The following TTC39C variants were observed in gnomAD, a reference collection of about 807,000 sequenced individuals.
TTC39C encodes tetratricopeptide repeat domain 39C, also known as tetratricopeptide repeat protein 39C.
A neutral mutation model predicts 76.3 loss-of-function variants in TTC39C; 33 were observed. The ratio of observed to expected loss-of-function variants is 0.43; its 90% CI spans 0.33 to 0.58. The LOEUF (loss-of-function observed/expected upper bound fraction) is 0.58. Among genes scored for constraint, TTC39C ranks in the 20% least tolerant of loss-of-function variants. The pLI, the probability that TTC39C is intolerant of heterozygous loss-of-function variation, is 0.04. For missense variants in TTC39C, 595 were observed against 701.4 expected, an observed-to-expected ratio of 0.85 and a Z score of 1.71; for synonymous variants, 254 against 260.6, an observed-to-expected ratio of 0.97 and a Z score of 0.24.
intron 13 of TTC39C, among the ~76,000 whole-genome samples, 170 bp downstream of exon 13, chr18:24,132,090 T>C (rs962632483): frequency 6.6e-6 from 1 of 152,210 alleles, no homozygotes; most frequent in African/African-American, 2.4e-5. Flanking sequence ...TAAGGGACAT[T>C]ACAAGATCAT....
chr18:24,018,620 C>T (rs1456555649), intron 1 of TTC39C, among the ~76,000 whole-genome samples: 2 of 151,926 alleles, frequency 1.3e-5, no homozygotes, highest in African/African-American at 2.4e-5. Context: ...TCTAACTCAG[C>T]CTGAAGGACA....
At chr18:24,047,920 A>G (rs1368182366) in intron 1 of TTC39C, among the ~76,000 whole-genome samples, 1 of 152,200 alleles carries the variant, frequency 6.6e-6, no homozygotes, top group Non-Finnish European at 1.5e-5. Context: ...CCCCATAAAT[A>G]TATACACCTA....
intron 7 of TTC39C, among the ~76,000 whole-genome samples, chr18:24,116,942 C>T (rs896971513): frequency 6.6e-6 from 1 of 151,494 alleles, no homozygotes; most frequent in Non-Finnish European, 1.5e-5. Flanking sequence ...CCTCCCACCC[C>T]AGTCTCCCAA....
upstream of TTC39C, chr18:24,012,881 A>ACACACACG (rs1284896691): frequency 6.6e-6 from 1 of 151,666 alleles, no homozygotes; most frequent in African/African-American, 2.5e-5. Context: ...ACACACACAC[A>ACACACACG]CACACGCATA....
chr18:24,020,758 G>C (rs76886527), intron 1 of TTC39C, among the ~76,000 whole-genome samples: 5,040 of 152,224 alleles, frequency 0.033, 289 homozygotes, highest in African/African-American at 0.11. Flanking sequence ...TTCCAAGTAT[G>C]TTTGATCTGC....
Position 24,079,417 on chromosome 18 carries a change from G to A in TTC39C, c.461-1168G>A, listed in dbSNP as rs140959168. Among the ~76,000 whole-genome samples, 278 of 152,274 alleles carry A rather than the reference G, an allele frequency of 1.8e-3. 3 individuals carry two copies. The highest frequency in any genetic ancestry group is 6.1e-3 in the African/African-American group (254 of 41,554). On this transcript the variant is annotated intron_variant, in intron 4 of 13. Coordinates refer to ENST00000317571, the MANE Select transcript of TTC39C (RefSeq NM_001135993.2). ...TGTCTTACCTCTTATACTTCAAGTC[G>A]TCTTTGTGGTATGTGTTCCTAAGAG...
Position 24,130,408 on chromosome 18 carries a change from C to A in TTC39C, c.1614C>A (p.Asp538Glu), listed in dbSNP as rs1295375808. 1 of 1,491,558 alleles carries A rather than the reference C, an allele frequency of 6.7e-7. No individual in the cohort carries two copies. Among genetic ancestry groups the A allele is most frequent in the Non-Finnish European group, 9.1e-7 (1 of 1,099,770 alleles). 92.4% of individuals were successfully genotyped at this position (1,491,558 alleles called of 1,614,324 possible). ...ACYELGCLLL[D>E]KPETVGRGRA... ...ATGAACTTGGCTGTCTTCTATTAGA[C>A]AAACCAGAGGTAAGATCTTATATAT... The change falls in exon 12 of 14, where the codon GAC (aspartate) becomes GAA (glutamate). Residue 538 changes from aspartate (D) to glutamate (E), a missense_variant. Coordinates refer to ENST00000317571, the MANE Select transcript of TTC39C (RefSeq NM_001135993.2).
chr18:24,032,250 T>C (rs1304042491), intron 1 of TTC39C, among the ~76,000 whole-genome samples: 1 of 152,222 alleles, frequency 6.6e-6, no homozygotes, highest in African/African-American at 2.4e-5. Context: ...CCACCAGGTT[T>C]ATGGTAATTT....
intron 1 of TTC39C, among the ~76,000 whole-genome samples, chr18:24,056,331 C>T (rs1001817979): frequency 3.9e-5 from 6 of 152,074 alleles, no homozygotes; most frequent in African/African-American, 1.4e-4. Context: ...TCGAAACCCC[C>T]CACACATTTG....
intron 6 of TTC39C, among the ~76,000 whole-genome samples, chr18:24,086,344 G>T (rs1270989924): frequency 6.6e-6 from 1 of 152,182 alleles, no homozygotes. Context: ...ATCTGTGCCC[G>T]TCAGTGTTCA....
intron 1 of TTC39C, among the ~76,000 whole-genome samples, chr18:24,023,947 CATG>C (rs578217668): frequency 0.66 from 42,191 of 63,718 alleles, 15,355 homozygotes; most frequent in Non-Finnish European, 0.8. Context: ...TATATATATG[CATG>C]TATATATATA....
chr18:24,096,007 AACT>A (rs1169875694), intron 6 of TTC39C, among the ~76,000 whole-genome samples: 1 of 152,222 alleles, frequency 6.6e-6, no homozygotes, highest in Non-Finnish European at 1.5e-5. Flanking sequence ...AACATTTATC[AACT>A]AAGTTTGTTG....
intron 6 of TTC39C, among the ~76,000 whole-genome samples, chr18:24,097,552 A>G (rs1047792729): frequency 1.3e-5 from 2 of 152,236 alleles, no homozygotes; most frequent in African/African-American, 4.8e-5. Flanking sequence ...AGCTGAACCA[A>G]TTGAGATGTC....
intron 11 of TTC39C, 120 bp from the exon 12 acceptor site, chr18:24,130,193 G>C (rs922199956): frequency 1.8e-5 from 9 of 491,660 alleles, no homozygotes; most frequent in South Asian, 9.4e-5. Flanking sequence ...GGAAAGAAGA[G>C]AAAATCTGAT....
In TTC39C at chr18:24,123,831, C is replaced by T; in HGVS notation, c.1187-3C>T. The T allele has an allele frequency of 6.2e-7, 1 of 1,601,328 alleles. No homozygotes were observed. Among genetic ancestry groups the T allele is most frequent in the African/African-American group, 1.4e-5 (1 of 73,810 alleles). On this transcript the variant is annotated splice_region_variant and splice_polypyrimidine_tract_variant and intron_variant, in intron 8 of 13. Coordinates refer to ENST00000317571, the MANE Select transcript of TTC39C (RefSeq NM_001135993.2). The stretch of plus-strand genomic sequence containing the variant: ...TAAGAAATATAATTATGGTTTCTTA[C>T]AGTTTGTCAGGGAGCCACTGGTGAT...
intron 12 of TTC39C, among the ~76,000 whole-genome samples, chr18:24,130,954 TGGGAGTATCACTTGAGCCCA>T (rs1202255016): frequency 1.6e-5 from 2 of 125,424 alleles, no homozygotes; most frequent in Non-Finnish European, 1.6e-5. Flanking sequence ...GAGGCTGAGG[TGGGAGTATCACTTGAGCCCA>T]GAAGTTCAAA....
chr18:24,075,693 A>AC (rs1056651668), intron 4 of TTC39C, among the ~76,000 whole-genome samples: 10 of 151,216 alleles, frequency 6.6e-5, no homozygotes, highest in East Asian at 3.9e-4. Context: ...TCAAAAAAAA[A>AC]AAAAAAAAAA....
chr18:24,078,315 C>A (rs1036983750), intron 4 of TTC39C, among the ~76,000 whole-genome samples: 2 of 152,124 alleles, frequency 1.3e-5, no homozygotes, highest in Non-Finnish European at 2.9e-5. Context: ...TAGCTTGATA[C>A]CATAGATTGG....
intron 6 of TTC39C, among the ~76,000 whole-genome samples, chr18:24,085,563 C>T (rs1374079651): frequency 6.6e-6 from 1 of 152,138 alleles, no homozygotes; most frequent in Non-Finnish European, 1.5e-5. Context: ...CAAGATGGTT[C>T]TAGAAATAAG....
Sources: allele counts gnomAD v4.1 joint callset (sites outside exome capture counted in the v4.1 genomes callset), GRCh38; gene constraint gnomAD v4.1.1; transcripts MANE v1.5; gene names NCBI Gene and HGNC (gene_info 2026-07-23, HGNC 2026-07-21).